Variants in KLRG1 observed in about 807,000 individuals in gnomAD.
KLRG1 encodes killer cell lectin-like receptor subfamily G member 1.
KLRG1 carries 16 observed loss-of-function variants against 21.8 expected under a neutral mutation model. That is an observed-to-expected ratio of 0.73 (90% confidence interval 0.50 to 1.11). KLRG1 has a LOEUF of 1.11. KLRG1 is among the 50% of genes most tolerant of loss of function. KLRG1 has a pLI of 0.00. For missense variants in KLRG1, 173 were observed against 218.3 expected, an observed-to-expected ratio of 0.79 and a Z score of 1.31; for synonymous variants, 69 against 75.9, an observed-to-expected ratio of 0.91 and a Z score of 0.47.
chr12:9,001,589 C>T (rs1947309954), intron 3 of KLRG1, among the ~76,000 whole-genome samples: 1 of 152,200 alleles, frequency 6.6e-6, no homozygotes, highest in Non-Finnish European at 1.5e-5. Flanking sequence ...GACCCCCTGG[C>T]CGTGGACATA....
chr12:9,128,212 T>A, the KLRG1 span: 1 of 197,052 alleles, frequency 5.1e-6, no homozygotes, highest in South Asian at 9.8e-5. Flanking sequence ...CTCCAGGCAT[T>A]GGTCTTGCCA....
the KLRG1 span, among the ~76,000 whole-genome samples, chr12:9,071,628 G>C: frequency 2.6e-5 from 4 of 152,000 alleles, no homozygotes; most frequent in Non-Finnish European, 4.4e-5. Flanking sequence ...GGTGTCTGTT[G>C]TTCTCCTTTT....
downstream of KLRG1, among the ~76,000 whole-genome samples, chr12:9,013,240 C>T (rs1947656259): frequency 6.6e-6 from 1 of 152,062 alleles, no homozygotes. Flanking sequence ...GAGAGTTTTC[C>T]CAAGAAGGAT....
the KLRG1 span, among the ~76,000 whole-genome samples, chr12:9,202,032 A>G: frequency 6.6e-6 from 1 of 152,194 alleles, no homozygotes; most frequent in Non-Finnish European, 1.5e-5. Flanking sequence ...ATGAATAGGA[A>G]TAGTGCCTTT....
chr12:9,160,652 C>T, the KLRG1 span, among the ~76,000 whole-genome samples: 1 of 152,148 alleles, frequency 6.6e-6, no homozygotes, highest in Non-Finnish European at 1.5e-5. Context: ...TAGCAGCTAT[C>T]GCCTGTAATC....
At chr12:9,057,655 G>T in the KLRG1 span, 1 of 152,620 alleles carries the variant, frequency 6.6e-6, no homozygotes, top group Non-Finnish European at 1.5e-5. Context: ...CACAAAAGCA[G>T]GTTTCAGCTT....
At chr12:9,103,704 T>G in the KLRG1 span, among the ~76,000 whole-genome samples, 1 of 152,342 alleles carries the variant, frequency 6.6e-6, no homozygotes, top group East Asian at 1.9e-4. Context: ...TACCATAACG[T>G]CCTCAAGGAT....
chr12:9,109,819 T>C, the KLRG1 span: 1 of 1,530,570 alleles, frequency 6.5e-7, no homozygotes, highest in South Asian at 1.3e-5. Flanking sequence ...GACCTAAGAG[T>C]TTAAATATGA....
chr12:9,126,078 A>G, the KLRG1 span, among the ~76,000 whole-genome samples: 1 of 152,232 alleles, frequency 6.6e-6, no homozygotes, highest in Admixed American at 6.5e-5. Context: ...TCAAATTTAT[A>G]ATTACAATAA....
the KLRG1 span, chr12:9,090,526 A>C: frequency 6.2e-7 from 1 of 1,601,292 alleles, no homozygotes; most frequent in East Asian, 2.2e-5. Context: ...GAAGGAGAAC[A>C]GAGGGAGAAT....
intron 1 of KLRG1, among the ~76,000 whole-genome samples, chr12:8,966,568 A>G (rs1301326823): frequency 6.6e-6 from 1 of 152,246 alleles, no homozygotes; most frequent in Non-Finnish European, 1.5e-5. Context: ...TATGCAGCCA[A>G]AAAACACATG....
the KLRG1 span, among the ~76,000 whole-genome samples, chr12:9,075,123 A>T: frequency 2.0e-5 from 3 of 152,212 alleles, no homozygotes; most frequent in African/African-American, 4.8e-5. Context: ...AGTTTGTTAC[A>T]TTTCCTATAA....
the KLRG1 span, chr12:9,164,039 C>A: frequency 6.9e-7 from 1 of 1,446,896 alleles, no homozygotes; most frequent in African/African-American, 1.4e-5. Flanking sequence ...AGAATTATAT[C>A]TATGGCAAAT....
chr12:9,130,847 G>T, the KLRG1 span, among the ~76,000 whole-genome samples: 1 of 151,518 alleles, frequency 6.6e-6, no homozygotes, highest in Non-Finnish European at 1.5e-5. Context: ...CTGTGCTTTT[G>T]GTGTCATATC....
chr12:9,043,948 C>T, the KLRG1 span, among the ~76,000 whole-genome samples: 2 of 152,198 alleles, frequency 1.3e-5, no homozygotes, highest in Non-Finnish European at 2.9e-5. Flanking sequence ...CTCAGAATCC[C>T]AGTGGAGTCT....
chr12:9,077,767 G>C, the KLRG1 span: 4 of 1,614,206 alleles, frequency 2.5e-6, no homozygotes, highest in Non-Finnish European at 3.4e-6. Flanking sequence ...GCCTCTGGGA[G>C]AGCCATATGA....
chr12:8,971,337 G>A (rs970398755), intron 1 of KLRG1: 1 of 150,984 alleles, frequency 6.6e-6, no homozygotes, highest in Middle Eastern at 3.2e-3. Flanking sequence ...TAAATAATTT[G>A]TCTACTTAAT....
the KLRG1 span, among the ~76,000 whole-genome samples, chr12:9,035,200 A>AT: frequency 1.0e-3 from 153 of 152,296 alleles, 1 homozygote; most frequent in Middle Eastern, 6.8e-3. Context: ...ACCAACCCAA[A>AT]TGTCCATCGA....
At chr12:9,198,734 A>C in the KLRG1 span, among the ~76,000 whole-genome samples, 59 of 152,306 alleles carry the variant, frequency 3.9e-4, no homozygotes, top group African/African-American at 1.4e-3. Flanking sequence ...CTATTTGCAA[A>C]TGGCTCTGAA....
Sources: allele counts gnomAD v4.1 joint callset (sites outside exome capture counted in the v4.1 genomes callset), GRCh38; gene constraint gnomAD v4.1.1; transcripts MANE v1.5; gene names NCBI Gene and HGNC (gene_info 2026-07-23, HGNC 2026-07-21).